The following VXN variants were observed in gnomAD, a reference collection of about 807,000 sequenced individuals.
VXN encodes the protein vexin, also known as uncharacterized protein C8orf46.
Under a neutral mutation model 23.1 loss-of-function variants are expected in VXN, and 7 were observed. The observed-to-expected ratio is 0.30, with a 90% CI of 0.17 to 0.57. The LOEUF is 0.57. VXN is among the 20% of genes least tolerant of loss of function. The probability of loss-of-function intolerance (pLI) is 0.91; values close to 1 mark genes in which losing one functional copy is unlikely to be tolerated. For synonymous variants in VXN, 120 were observed against 105.8 expected, an observed-to-expected ratio of 1.13 and a Z score of -0.83; for missense variants, 238 against 272.6, an observed-to-expected ratio of 0.87 and a Z score of 0.89.
intron 3 of VXN, among the ~76,000 whole-genome samples, chr8:66,507,933 G>A (rs1807777762): frequency 6.6e-6 from 1 of 152,138 alleles, no homozygotes; most frequent in South Asian, 2.1e-4. Context: ...CGTCTCACCT[G>A]GGAGAAAGAT....
intron 1 of VXN, among the ~76,000 whole-genome samples, chr8:66,493,963 G>A (rs1807596628): frequency 6.6e-6 from 1 of 152,186 alleles, no homozygotes; most frequent in Non-Finnish European, 1.5e-5. Context: ...ATTTAATTCA[G>A]TACCAACAGT....
At chr8:66,506,913 T>G (rs556526429) in intron 3 of VXN, among the ~76,000 whole-genome samples, 5 of 1,554 alleles carry the variant, frequency 3.2e-3, no homozygotes, top group Admixed American at 0.032. Flanking sequence ...TATATATAGG[T>G]GGGTGGGTGG....
At chr8:66,496,341 C>A in intron 1 of VXN, 96 bp from the exon 2 acceptor site, 1 of 1,177,332 alleles carries the variant, frequency 8.5e-7, no homozygotes, top group Non-Finnish European at 1.3e-6. Flanking sequence ...ATGCCCCTGC[C>A]TCGCCACAGA....
chr8:66,513,936 C>A, intron 5 of VXN: 1 of 326,220 alleles, frequency 3.1e-6, no homozygotes, highest in Non-Finnish European at 5.6e-6. Context: ...AATGTAATCA[C>A]GAGCCATATT....
At chr8:66,497,497 A>C (rs1431743021) in intron 2 of VXN, among the ~76,000 whole-genome samples, 1 of 152,228 alleles carries the variant, frequency 6.6e-6, no homozygotes, top group African/African-American at 2.4e-5. Context: ...TTTAACATGC[A>C]TATGCATTAC....
In VXN at chr8:66,499,230, T is replaced by G. The variant is rs908342737; in HGVS notation, c.126+2738T>G. Among the ~76,000 whole-genome samples the G allele has an allele frequency of 1.5e-4, 23 of 149,222 alleles. 2 individuals carry two copies. The highest frequency in any genetic ancestry group is 1.3e-3 in the Admixed American group (19 of 15,050). On this transcript the variant is annotated intron_variant, in intron 2 of 5. Transcript: ENST00000305454. Reference sequence around the variant, plus strand: ...AATAAGTATTGGGTTGGTTTTTTTTTTTTTTTTTTTTTTGGCGGAGGGGAC... The same window carrying G: ...AATAAGTATTGGGTTGGTTTTTTTTGTTTTTTTTTTTTTGGCGGAGGGGAC...
At chr8:66,504,770 G>A (rs1488173988) in intron 2 of VXN, among the ~76,000 whole-genome samples, 2 of 152,150 alleles carry the variant, frequency 1.3e-5, no homozygotes, top group Non-Finnish European at 2.9e-5. Flanking sequence ...GCTCCACCCT[G>A]ACCCAGGCAC....
chr8:66,498,345 T>C (rs1216571941), intron 2 of VXN, among the ~76,000 whole-genome samples: 1 of 151,958 alleles, frequency 6.6e-6, no homozygotes, highest in African/African-American at 2.4e-5. Context: ...ATAAAAAAAA[T>C]AATAATAATG....
chr8:66,512,041 GGAAACAAGAGT>G (rs1378005174), intron 4 of VXN, among the ~76,000 whole-genome samples: 1 of 149,754 alleles, frequency 6.7e-6, no homozygotes, highest in Non-Finnish European at 1.5e-5. Context: ...CTCCAGCCTG[GGAAACAAGAGT>G]GAAACTCAGT....
intron 3 of VXN, among the ~76,000 whole-genome samples, chr8:66,505,951 A>AT (rs1160491688): frequency 2.0e-5 from 3 of 151,848 alleles, no homozygotes; most frequent in East Asian, 1.9e-4. Context: ...TGGTCAACCA[A>AT]TTTTTTTTAT....
At chr8:66,508,846 T>G (rs1309595791) in intron 3 of VXN, among the ~76,000 whole-genome samples, 1 of 152,064 alleles carries the variant, frequency 6.6e-6, no homozygotes, top group Non-Finnish European at 1.5e-5. Context: ...CAAACAAAAA[T>G]TAGCCGGGCG....
rs1294839126 is a variant in VXN at position 66,517,742 on chromosome 8, C to T, written c.*1666C>T. ...ATTAATCTAGCCCACTTAATAAAAC[C>T]AGAGATCCTATGGGAAATTTAGCCT... On this transcript the variant is annotated 3_prime_UTR_variant, in exon 6 of 6. Coordinates refer to ENST00000305454, the MANE Select transcript of VXN (RefSeq NM_152765.4). The T allele has an allele frequency of 6.6e-6, 1 of 152,222 alleles. No individual in the cohort carries two copies. Among genetic ancestry groups the T allele is most frequent in the Non-Finnish European group, 1.5e-5 (1 of 68,036 alleles). 9.4% of individuals were successfully genotyped at this position (152,222 alleles called of 1,614,324 possible). A position where few individuals can be genotyped will look rare whatever the true frequency, so the allele number is the denominator to read the frequency against.
At chr8:66,501,468 A>G (rs1807691400) in intron 2 of VXN, among the ~76,000 whole-genome samples, 1 of 152,164 alleles carries the variant, frequency 6.6e-6, no homozygotes, top group Non-Finnish European at 1.5e-5. Context: ...ACTTTCAAGG[A>G]GCAATGGGTG....
At position 66,510,097 on chromosome 8, in the gene VXN, G is replaced by A. The variant is rs750143987; in HGVS notation, c.282G>A (p.Val94=). The A allele has an allele frequency of 5.6e-6, 9 of 1,613,722 alleles. No individual in the cohort carries two copies. The highest frequency in any genetic ancestry group is 7.6e-6 in the Non-Finnish European group (9 of 1,179,672). ...AHPAKASARP[V]GISEPKTSNL... is the part of the protein sequence containing the mutation. Reference sequence around the variant, plus strand: ...TATCTCCTCTGTTCAACATTGCAGTGGGGATTTCTGAACCCAAAACATCAA... The same window carrying A: ...TATCTCCTCTGTTCAACATTGCAGTAGGGATTTCTGAACCCAAAACATCAA... The change falls in exon 4 of 6, where the codon GTG becomes GTA. Residue 94 remains valine (V), a splice_region_variant and synonymous_variant. Transcript: ENST00000305454.
Position 66,500,220 on chromosome 8 carries a change from C to T in VXN, c.126+3728C>T, listed in dbSNP as rs1284346562. Among the ~76,000 whole-genome samples, 8 of 152,182 alleles carry T rather than the reference C, an allele frequency of 5.3e-5. No homozygotes were observed. The East Asian group carries it at 1.5e-3, about 29-fold the overall frequency. The stretch of plus-strand genomic sequence containing the variant: ...ATATTTTTATGTTCTTAAATGATTC[C>T]GAGGATAAATTCATAGATATGAAAA... On this transcript the variant is annotated intron_variant, in intron 2 of 5. Transcript: ENST00000305454.
rs567771217 is a variant in VXN, at chr8:66,515,773, G to A, written c.441-120G>A. ...CCAACAGTGACCTTACAGCTACGTG[G>A]ATCCCGGTCACTGAGGAGGAGCAGA... On this transcript the variant is annotated intron_variant, in intron 5 of 5. Coordinates refer to ENST00000305454, the MANE Select transcript of VXN (RefSeq NM_152765.4). The A allele has an allele frequency of 1.1e-4, 90 of 839,678 alleles. 2 individuals carry two copies. The South Asian group carries it at 1.1e-3, about 10-fold the overall frequency. 52.0% of individuals were successfully genotyped at this position (839,678 alleles called of 1,614,324 possible). A position where few individuals can be genotyped will look rare whatever the true frequency, so the allele number is the denominator to read the frequency against.
rs578061566 is a variant in VXN, at chr8:66,516,779, C to T, written c.*703C>T. On this transcript the variant is annotated 3_prime_UTR_variant, in exon 6 of 6. Transcript: ENST00000305454. Reference sequence around the variant, plus strand: ...TAATTTGAACTTTTGAAAGTGCTTTCTCATCCGTTATCTCTTATCTTCACA... The same window carrying T: ...TAATTTGAACTTTTGAAAGTGCTTTTTCATCCGTTATCTCTTATCTTCACA... The T allele has an allele frequency of 1.3e-5, 2 of 152,328 alleles. No homozygotes were observed. Among genetic ancestry groups the T allele is most frequent in the African/African-American group, 4.8e-5 (2 of 41,580 alleles). 9.4% of individuals were successfully genotyped at this position (152,328 alleles called of 1,614,324 possible). A position where few individuals can be genotyped will look rare whatever the true frequency, so the allele number is the denominator to read the frequency against.
intron 2 of VXN, among the ~76,000 whole-genome samples, chr8:66,502,743 C>T (rs764469511): frequency 2.0e-5 from 3 of 151,756 alleles, no homozygotes; most frequent in Middle Eastern, 3.4e-3. Flanking sequence ...AGTGAGACTC[C>T]GTCTCAAAAT....
At position 66,518,163 on chromosome 8, in the gene VXN, C is replaced by T. The variant is rs899744032; in HGVS notation, c.*2087C>T. 2 of 152,202 alleles carry T rather than the reference C, an allele frequency of 1.3e-5. No homozygotes were observed. The highest frequency in any genetic ancestry group is 1.5e-5 in the Non-Finnish European group (1 of 68,042). The allele number at this position is 152,202 out of a possible 1,614,324, so 9.4% of individuals were successfully genotyped here. A position where few individuals can be genotyped will look rare whatever the true frequency, so the allele number is the denominator to read the frequency against. On this transcript the variant is annotated 3_prime_UTR_variant, in exon 6 of 6. Transcript: ENST00000305454. ...GAGCAAACCAGTAACCTATGCTGGT[C>T]GTAACAGAGGATCCTACAATTACGT...
Sources: allele counts gnomAD v4.1 joint callset (sites outside exome capture counted in the v4.1 genomes callset), GRCh38; gene constraint gnomAD v4.1.1; transcripts MANE v1.5; gene names NCBI Gene and HGNC (gene_info 2026-07-23, HGNC 2026-07-21).